The following CTNNA3 variants were observed in gnomAD, a reference collection of about 807,000 sequenced individuals.
CTNNA3 encodes catenin alpha-3.
In CTNNA3, 76 loss-of-function variants were observed where a neutral mutation model predicts 95.7. That is an observed-to-expected ratio of 0.79 (90% CI 0.66 to 0.96). The LOEUF (loss-of-function observed/expected upper bound fraction) is 0.96. Among genes scored for constraint, CTNNA3 ranks in the 40% least tolerant of loss-of-function variants. The pLI is 0.00. For synonymous variants in CTNNA3, 431 were observed against 374.4 expected (o/e 1.15, Z -1.74); for missense variants, 1,191 against 1,089.8 (o/e 1.09, Z -1.31).
Position 67,185,425 on chromosome 10 carries a change from C to CT in CTNNA3, c.844-4906dup, listed in dbSNP as rs1179652911. On this transcript the variant is annotated intron_variant, in intron 6 of 17. Coordinates refer to ENST00000433211, the MANE Select transcript of CTNNA3 (RefSeq NM_013266.4). ...ACAGGTGTGAGCCATCACGGCCGGC[C>CT]TTTTTTTCCTTTTTTTCTATGCCTC... Among the ~76,000 whole-genome samples the CT allele has an allele frequency of 2.6e-5, 4 of 151,918 alleles. No homozygotes were observed. In the East Asian group the frequency reaches 7.7e-4, roughly 29 times the overall value.
chr10:66,998,674 C>G (rs765363384), intron 7 of CTNNA3, among the ~76,000 whole-genome samples: 4 of 152,084 alleles, frequency 2.6e-5, no homozygotes, highest in Non-Finnish European at 5.9e-5. Flanking sequence ...TAATTCCAAA[C>G]TCATATGTGA....
intron 7 of CTNNA3, among the ~76,000 whole-genome samples, chr10:66,983,920 A>C (rs1473477341): frequency 6.6e-6 from 1 of 152,214 alleles, no homozygotes; most frequent in Non-Finnish European, 1.5e-5. Flanking sequence ...CTTTGCATGC[A>C]CTATGTCATT....
chr10:67,708,425 C>A (rs1379398945), intron 1 of CTNNA3, among the ~76,000 whole-genome samples: 2 of 152,118 alleles, frequency 1.3e-5, no homozygotes, highest in African/African-American at 4.8e-5. Context: ...CTAAAAACAA[C>A]TTGCTTCTGC....
chr10:66,441,300 G>A (rs1180334412), intron 11 of CTNNA3, among the ~76,000 whole-genome samples: 1 of 152,162 alleles, frequency 6.6e-6, no homozygotes, highest in Non-Finnish European at 1.5e-5. Context: ...AGATAAAAAT[G>A]TTATGATAGA....
rs1228516824 is a variant in CTNNA3, at chr10:66,134,922, A to G, written c.1885-31673T>C. ...TACACTCTTGGTTGGAAATATTATA[A>G]CAAAAGAATCTTGAACTTTACATGG... is the stretch of plus-strand genomic sequence containing the variant. On this transcript the variant is annotated intron_variant, in intron 13 of 17. Coordinates refer to ENST00000433211, the MANE Select transcript of CTNNA3 (RefSeq NM_013266.4). Among the ~76,000 whole-genome samples, 3 of 152,190 alleles carry G rather than the reference A, an allele frequency of 2.0e-5. No individual in the cohort carries two copies. In the East Asian group the frequency reaches 5.8e-4, roughly 29 times the overall value.
intron 12 of CTNNA3, among the ~76,000 whole-genome samples, chr10:66,324,441 C>T (rs977326575): frequency 1.3e-5 from 2 of 152,150 alleles, no homozygotes; most frequent in African/African-American, 4.8e-5. Context: ...TGGCCTTCTG[C>T]CCTTGCAAAA....
chr10:67,371,476 G>A (rs1843462588), intron 5 of CTNNA3, among the ~76,000 whole-genome samples: 1 of 149,580 alleles, frequency 6.7e-6, no homozygotes, highest in Non-Finnish European at 1.5e-5. Flanking sequence ...GAGAACATGT[G>A]GTGTTTGGTT....
At chr10:66,427,674 C>T (rs990418089) in intron 11 of CTNNA3, among the ~76,000 whole-genome samples, 19 of 151,380 alleles carry the variant, frequency 1.3e-4, no homozygotes, top group Non-Finnish European at 2.4e-4. Context: ...TGCACTATGA[C>T]ATAAATCCTT....
At chr10:67,055,296 T>C (rs771423224) in intron 7 of CTNNA3, among the ~76,000 whole-genome samples, 18 of 152,182 alleles carry the variant, frequency 1.2e-4, no homozygotes, top group African/African-American at 1.9e-4. Context: ...TAATTTCCCA[T>C]TGAGTTTTCA....
chr10:66,763,027 T>C (rs1157694051), intron 9 of CTNNA3, among the ~76,000 whole-genome samples: 1 of 151,956 alleles, frequency 6.6e-6, no homozygotes, highest in East Asian at 1.9e-4. Flanking sequence ...TTGCCCAACT[T>C]GGGAATAAGA....
intron 9 of CTNNA3, among the ~76,000 whole-genome samples, chr10:66,641,404 A>G (rs762734874): frequency 4.6e-5 from 7 of 151,984 alleles, no homozygotes; most frequent in Admixed American, 1.3e-4. Context: ...ATGGGTCTAC[A>G]CTCTTTCCAT....
At chr10:66,906,501 T>C (rs1371925242) in intron 7 of CTNNA3, among the ~76,000 whole-genome samples, 2 of 152,170 alleles carry the variant, frequency 1.3e-5, no homozygotes, top group African/African-American at 4.8e-5. Context: ...CAAAAGTATC[T>C]TCAAAGGTCC....
At chr10:66,668,924 T>G (rs1003088888) in intron 9 of CTNNA3, among the ~76,000 whole-genome samples, 5 of 152,246 alleles carry the variant, frequency 3.3e-5, no homozygotes, top group Admixed American at 2.6e-4. Context: ...AATGACTACT[T>G]GGATAAAAAC....
At chr10:66,644,459 A>G (rs138856877) in intron 9 of CTNNA3, among the ~76,000 whole-genome samples, 64 of 103,404 alleles carry the variant, frequency 6.2e-4, no homozygotes, top group South Asian at 2.0e-3. Context: ...CCAAATATGT[A>G]TATATATATA....
At chr10:66,265,530 T>A (rs1317159281) in intron 13 of CTNNA3, among the ~76,000 whole-genome samples, 1 of 152,004 alleles carries the variant, frequency 6.6e-6, no homozygotes, top group Non-Finnish European at 1.5e-5. Flanking sequence ...ATTGTCTGTC[T>A]TCCTTTCTAA....
chr10:66,139,404 T>A (rs990557571), intron 13 of CTNNA3, among the ~76,000 whole-genome samples: 2 of 152,180 alleles, frequency 1.3e-5, no homozygotes, highest in African/African-American at 4.8e-5. Flanking sequence ...ATGAATGGCT[T>A]ACAACCATGT....
intron 1 of CTNNA3, chr10:67,750,501 T>G: frequency 6.4e-7 from 1 of 1,556,006 alleles, no homozygotes; most frequent in Non-Finnish European, 8.9e-7. Context: ...CGGGAGGACC[T>G]CTTCATCATC....
intron 12 of CTNNA3, among the ~76,000 whole-genome samples, chr10:66,314,829 A>G (rs1485697971): frequency 6.6e-6 from 1 of 152,144 alleles, no homozygotes; most frequent in Non-Finnish European, 1.5e-5. Flanking sequence ...AGTCAGAAGA[A>G]TAAAAAACAG....
chr10:66,725,795 C>A (rs1400346757), intron 9 of CTNNA3, among the ~76,000 whole-genome samples: 3 of 152,040 alleles, frequency 2.0e-5, no homozygotes, highest in Non-Finnish European at 2.9e-5. Context: ...ACTTGTTTCA[C>A]AAATCACAGG....
Sources: allele counts gnomAD v4.1 joint callset (sites outside exome capture counted in the v4.1 genomes callset), GRCh38; gene constraint gnomAD v4.1.1; transcripts MANE v1.5; gene names NCBI Gene and HGNC (gene_info 2026-07-23, HGNC 2026-07-21).